Variants in ATP9A observed in about 807,000 individuals in gnomAD.
ATP9A encodes ATPase phospholipid transporting 9A, also known as probable phospholipid-transporting ATPase IIA.
A neutral mutation model predicts 144.1 loss-of-function variants in ATP9A; 52 were observed. The ratio of observed to expected loss-of-function variants is 0.36; its 90% CI spans 0.29 to 0.45. The LOEUF is 0.45. ATP9A is among the 20% of genes least tolerant of loss of function. The probability of loss-of-function intolerance (pLI) is 1.00; values close to 1 mark genes in which losing one functional copy is unlikely to be tolerated. For synonymous variants in ATP9A, 582 were observed against 557.4 expected, an observed-to-expected ratio of 1.04 and a Z score of -0.62; for missense variants, 947 against 1,392.7, an observed-to-expected ratio of 0.68 and a Z score of 5.09.
intron 13 of ATP9A, among the ~76,000 whole-genome samples, chr20:51,660,554 C>T (rs2077406540): frequency 2.0e-5 from 3 of 152,254 alleles, no homozygotes; most frequent in Admixed American, 1.3e-4. Context: ...ATATCTTTCT[C>T]TCTTAAATTA....
chr20:51,730,117 T>C, intron 1 of ATP9A, 139 bp from the exon 2 acceptor site: 1 of 974,956 alleles, frequency 1.0e-6, no homozygotes, highest in Non-Finnish European at 1.4e-6. Context: ...GGCTTCATCT[T>C]TCAGTGAAAC....
chr20:51,618,840 G>C, intron 20 of ATP9A, 34 bp from the exon 21 acceptor site: 1 of 1,580,626 alleles, frequency 6.3e-7, no homozygotes, highest in Non-Finnish European at 8.6e-7. Flanking sequence ...TGCGTTGGTG[G>C]AGGGAGAGGT....
chr20:51,634,896 A>T (rs1024115831), intron 15 of ATP9A, among the ~76,000 whole-genome samples: 6 of 147,568 alleles, frequency 4.1e-5, no homozygotes, highest in Non-Finnish European at 8.9e-5. Context: ...GTTTCAAAGC[A>T]TATTCATGGT....
At chr20:51,671,386 A>G (rs2255358) in intron 11 of ATP9A, 129 bp from the exon 12 acceptor site, 890,634 of 1,063,866 alleles carry the variant, frequency 0.84, 374,106 homozygotes, top group Non-Finnish European at 0.85. Flanking sequence ...GCACACTGCC[A>G]GAGCTGAACG....
intron 1 of ATP9A, among the ~76,000 whole-genome samples, chr20:51,743,665 A>T (rs1454415400): frequency 6.8e-6 from 1 of 147,558 alleles, no homozygotes; most frequent in Admixed American, 6.7e-5. Context: ...AGCCTCCCAA[A>T]GTGCTGGGAT....
In ATP9A at chr20:51,721,761, A is replaced by G. The variant is rs2077690127; in HGVS notation, c.327+4058T>C. ...GCTTACAGTGAGCCACGATCACACCACTGCACTCCAGCCTGGGTGACAGAG... is the reference window on the plus strand; with the variant it reads ...GCTTACAGTGAGCCACGATCACACCGCTGCACTCCAGCCTGGGTGACAGAG... On this transcript the variant is annotated intron_variant, in intron 3 of 27. Transcript: ENST00000338821. Among the ~76,000 whole-genome samples the G allele has an allele frequency of 4.1e-5, 6 of 148,118 alleles. No individual in the cohort carries two copies. In the South Asian group the frequency reaches 1.1e-3, roughly 26 times the overall value.
At chr20:51,766,275 A>T (rs915921804) in intron 1 of ATP9A, among the ~76,000 whole-genome samples, 2 of 152,196 alleles carry the variant, frequency 1.3e-5, no homozygotes, top group African/African-American at 4.8e-5. Flanking sequence ...TGAATCAGAA[A>T]AGGCTAGTTA....
intron 21 of ATP9A, among the ~76,000 whole-genome samples, chr20:51,618,096 T>A (rs1312732089): frequency 1.3e-5 from 2 of 151,952 alleles, no homozygotes; most frequent in African/African-American, 4.8e-5. Context: ...GGTGCACGCC[T>A]GCAGTCCCAG....
rs753174080 is a variant in ATP9A, at chr20:51,608,664, C to T, written c.2637-38G>A. On this transcript the variant is annotated intron_variant, in intron 24 of 27. Coordinates refer to ENST00000338821, the MANE Select transcript of ATP9A (RefSeq NM_006045.3). ...ACCGCCATAGGTAAGACCTGGCTGA[C>T]GCGATAGGAGCTATGTGCTGTGCCA... 26 of 1,345,738 alleles carry T rather than the reference C, an allele frequency of 1.9e-5. No individual in the cohort carries two copies. In the African/African-American group the frequency reaches 2.2e-4, roughly 11 times the overall value. 83.4% of individuals were successfully genotyped at this position (1,345,738 alleles called of 1,614,324 possible).
intron 1 of ATP9A, among the ~76,000 whole-genome samples, chr20:51,738,250 G>A (rs1340685841): frequency 6.6e-6 from 1 of 151,960 alleles, no homozygotes; most frequent in South Asian, 2.1e-4. Context: ...GGCTGGTCTC[G>A]AATTCCTGAC....
chr20:51,683,713 GC>G (rs2077510316), intron 9 of ATP9A, among the ~76,000 whole-genome samples: 1 of 152,112 alleles, frequency 6.6e-6, no homozygotes, highest in South Asian at 2.1e-4. Context: ...ACTGCACCCA[GC>G]CTCGTTTTAC....
At chr20:51,722,933 C>A (rs569577582) in intron 3 of ATP9A, among the ~76,000 whole-genome samples, 4 of 152,198 alleles carry the variant, frequency 2.6e-5, no homozygotes, top group African/African-American at 9.6e-5. Context: ...GTGGAACCAA[C>A]CCCAGTAGCT....
At chr20:51,632,423 T>C (rs1180825775) in intron 15 of ATP9A, among the ~76,000 whole-genome samples, 1 of 152,186 alleles carries the variant, frequency 6.6e-6, no homozygotes, top group African/African-American at 2.4e-5. Flanking sequence ...ATCAGATAAC[T>C]GGACAGTCAT....
intron 15 of ATP9A, among the ~76,000 whole-genome samples, chr20:51,635,581 A>G (rs7353998): frequency 0.3 from 44,879 of 151,150 alleles, 6,973 homozygotes; most frequent in Non-Finnish European, 0.34. Context: ...TCACTAAACG[A>G]TAAGAATTAG....
intron 12 of ATP9A, 127 bp from the exon 13 acceptor site, chr20:51,670,236 C>T (rs2077450372): frequency 5.8e-6 from 4 of 684,468 alleles, no homozygotes; most frequent in Admixed American, 5.2e-5. Context: ...ACTGTCCCTG[C>T]TGGGGAAGAC....
intron 17 of ATP9A, among the ~76,000 whole-genome samples, chr20:51,625,647 AT>A (rs746295500): frequency 6.6e-6 from 1 of 152,220 alleles, no homozygotes; most frequent in Non-Finnish European, 1.5e-5. Flanking sequence ...CGAAATGGCA[AT>A]AACAGCACCA....
chr20:51,753,384 G>A (rs896605471), intron 1 of ATP9A, among the ~76,000 whole-genome samples: 3 of 152,092 alleles, frequency 2.0e-5, no homozygotes, highest in Non-Finnish European at 2.9e-5. Flanking sequence ...TCGGAAGGCG[G>A]AGGTTGCAGT....
intron 5 of ATP9A, 25 bp from the exon 6 acceptor site, chr20:51,696,169 T>A: frequency 1.2e-6 from 2 of 1,610,882 alleles, no homozygotes; most frequent in Non-Finnish European, 1.7e-6. Context: ...GAAAGACTGT[T>A]ACTGTGAATG....
At chr20:51,740,661 C>T (rs1047963374) in intron 1 of ATP9A, among the ~76,000 whole-genome samples, 1 of 149,040 alleles carries the variant, frequency 6.7e-6, no homozygotes, top group South Asian at 2.2e-4. Context: ...TCCTTTTCCC[C>T]AGGCTCAAGT....
Sources: allele counts gnomAD v4.1 joint callset (sites outside exome capture counted in the v4.1 genomes callset), GRCh38; gene constraint gnomAD v4.1.1; transcripts MANE v1.5; gene names NCBI Gene and HGNC (gene_info 2026-07-23, HGNC 2026-07-21).